CNOT4: variants seen among roughly 807,000 people sequenced by gnomAD.
CNOT4 encodes CCR4-NOT transcription complex subunit 4, also known as CCR4-associated factor 4.
A neutral mutation model predicts 73.8 loss-of-function variants in CNOT4; 8 were observed. The ratio of observed to expected loss-of-function variants is 0.11; its 90% CI spans 0.06 to 0.20. The LOEUF (loss-of-function observed/expected upper bound fraction) is 0.20. CNOT4 is among the 10% of genes least tolerant of loss of function. The pLI is 1.00. For missense variants in CNOT4, 564 were observed against 883.4 expected (o/e 0.64, Z 4.58); for synonymous variants, 293 against 321.1 (o/e 0.91, Z 0.94).
chr7:135,455,885 A>C (rs914199499), intron 1 of CNOT4, among the ~76,000 whole-genome samples: 3 of 152,164 alleles, frequency 2.0e-5, no homozygotes, highest in Non-Finnish European at 4.4e-5. Context: ...AACAAACAAA[A>C]AAGACTAAAA....
At chr7:135,380,042 T>C (rs559797358) in intron 10 of CNOT4, among the ~76,000 whole-genome samples, 5 of 152,270 alleles carry the variant, frequency 3.3e-5, no homozygotes, top group African/African-American at 9.6e-5. Context: ...TTCTTGGAGA[T>C]AGTGATAGCA....
chr7:135,503,030 G>A (rs1804101025), intron 1 of CNOT4, among the ~76,000 whole-genome samples: 1 of 151,642 alleles, frequency 6.6e-6, no homozygotes, highest in Non-Finnish European at 1.5e-5. Flanking sequence ...GCACACGCCT[G>A]TAGTTCTAGC....
intron 1 of CNOT4, among the ~76,000 whole-genome samples, chr7:135,439,972 T>C (rs902727284): frequency 6.6e-6 from 1 of 151,666 alleles, no homozygotes; most frequent in South Asian, 2.1e-4. Flanking sequence ...GATCAATAAA[T>C]TATTGAAGTG....
At chr7:135,501,896 G>C (rs1803991993) in intron 1 of CNOT4, among the ~76,000 whole-genome samples, 1 of 152,180 alleles carries the variant, frequency 6.6e-6, no homozygotes, top group Non-Finnish European at 1.5e-5. Context: ...TTAATTGCCA[G>C]TGTGGTAGTA....
At chr7:135,378,888 G>A (rs1380984018) in intron 10 of CNOT4, among the ~76,000 whole-genome samples, 1 of 151,982 alleles carries the variant, frequency 6.6e-6, no homozygotes, top group African/African-American at 2.4e-5. Context: ...GGAGGGTTGA[G>A]GTGGGAGGAT....
rs368493110 is a variant in CNOT4, at chr7:135,363,033, G to T, written c.1994C>A (p.Pro665Gln). 3.1e-6 allele frequency: 5 copies of T among 1,613,844 alleles called. No homozygotes were observed. The highest frequency in any genetic ancestry group is 3.4e-6 in the Non-Finnish European group (4 of 1,179,968). The stretch of plus-strand genomic sequence containing the variant: ...GGGATTCCAACTGGCTCTGTGCAGC[G>T]GGATCTGTGTGCTGAAGGGGGCGCT... ...HHSAPFSTQI[P>Q]LHRASWNPYP... is the part of the protein sequence containing the mutation. The change falls in exon 12 of 12, where the codon CCG (proline) becomes CAG (glutamine). Residue 665 changes from proline to glutamine, a missense_variant. Pro to Gln is a moderately conservative substitution (Grantham distance 76, BLOSUM62 -1). Coordinates refer to ENST00000541284, the MANE Select transcript of CNOT4 (RefSeq NM_001190850.2). The surrounding 1 kb of genome is among the most constrained non-coding windows in gnomAD (Gnocchi z 4.3).
intron 8 of CNOT4, among the ~76,000 whole-genome samples, chr7:135,396,791 A>G (rs1796719823): frequency 6.6e-6 from 1 of 152,210 alleles, no homozygotes; most frequent in African/African-American, 2.4e-5. Context: ...TCTTAGAAAA[A>G]TAAAAAACAC....
intron 1 of CNOT4, among the ~76,000 whole-genome samples, chr7:135,438,626 T>C (rs1799293503): frequency 6.6e-6 from 1 of 152,156 alleles, no homozygotes; most frequent in South Asian, 2.1e-4. Context: ...GGATTCAACA[T>C]AAATAAAAAA....
At chr7:135,461,234 T>G (rs1035333236) in intron 1 of CNOT4, among the ~76,000 whole-genome samples, 1 of 152,168 alleles carries the variant, frequency 6.6e-6, no homozygotes, top group Non-Finnish European at 1.5e-5. Flanking sequence ...CTCTTTTAAT[T>G]CTCACCCCCA....
chr7:135,378,977 C>A (rs1298070826), intron 10 of CNOT4, among the ~76,000 whole-genome samples: 1 of 135,978 alleles, frequency 7.4e-6, no homozygotes, highest in African/African-American at 2.7e-5. Flanking sequence ...ACAGTGAAAC[C>A]CTGTCTCAAA....
intron 2 of CNOT4, among the ~76,000 whole-genome samples, chr7:135,436,802 T>C (rs972019673): frequency 6.6e-6 from 1 of 151,932 alleles, no homozygotes; most frequent in South Asian, 2.1e-4. Context: ...AAACAATGCA[T>C]TGCCTTCTGA....
chr7:135,480,519 A>C (rs559302540), intron 1 of CNOT4, among the ~76,000 whole-genome samples: 2 of 152,314 alleles, frequency 1.3e-5, no homozygotes, highest in African/African-American at 4.8e-5. Context: ...ACCAAACTTG[A>C]TCACACAGTC....
chr7:135,419,364 C>A (rs1305582985), intron 3 of CNOT4, among the ~76,000 whole-genome samples: 2 of 152,062 alleles, frequency 1.3e-5, no homozygotes, highest in African/African-American at 2.4e-5. Flanking sequence ...CAATTTGAAC[C>A]TTCTTTTGAG....
At position 135,402,940 on chromosome 7, in the gene CNOT4, C is replaced by T. The variant is rs373081804; in HGVS notation, c.822-4714G>A. ...ACTTTAAAAAAATTTGCAACATAAA[C>T]CAATTACATAGTAGAAGAATCAAAG... is the stretch of plus-strand genomic sequence containing the variant. On this transcript the variant is annotated intron_variant, in intron 7 of 11. Transcript: ENST00000541284. Among the ~76,000 whole-genome samples, 43 of 152,048 alleles carry T rather than the reference C, an allele frequency of 2.8e-4. No homozygotes were observed. The East Asian group carries it at 6.9e-3, about 25-fold the overall frequency.
chr7:135,469,441 A>G (rs1417458425), intron 1 of CNOT4, among the ~76,000 whole-genome samples: 1 of 152,214 alleles, frequency 6.6e-6, no homozygotes, highest in Non-Finnish European at 1.5e-5. Context: ...TCTAACTGAC[A>G]TATCCTCTTC....
In CNOT4 at chr7:135,387,521, T is replaced by C. The variant is rs78169212; in HGVS notation, c.1627+6397A>G. 7.6e-4 allele frequency: 736 copies of C among 974,014 alleles called. 17 individuals carry two copies. In the East Asian group the frequency reaches 0.053, roughly 70 times the overall value. The allele number at this position is 974,014 out of a possible 1,614,324, so 60.3% of individuals were successfully genotyped here. A position where few individuals can be genotyped will look rare whatever the true frequency, so the allele number is the denominator to read the frequency against. On this transcript the variant is annotated intron_variant, in intron 10 of 11. Coordinates refer to ENST00000541284, the MANE Select transcript of CNOT4 (RefSeq NM_001190850.2). ...TTATTATTATTTTCAATCTCTAGGC[T>C]TCTTTTTTGTATTCACATTATCCCC...
chr7:135,403,891 T>C (rs1797135768), intron 7 of CNOT4, among the ~76,000 whole-genome samples: 1 of 152,202 alleles, frequency 6.6e-6, no homozygotes, highest in South Asian at 2.1e-4. Flanking sequence ...AGTAATACAC[T>C]TAATGTTTTT....
At chr7:135,439,076 C>T (rs1799323752) in intron 1 of CNOT4, among the ~76,000 whole-genome samples, 1 of 152,106 alleles carries the variant, frequency 6.6e-6, no homozygotes, top group African/African-American at 2.4e-5. Context: ...AAGAAATAGA[C>T]CTTCATATCA....
At chr7:135,421,688 G>T (rs6955383) in intron 3 of CNOT4, among the ~76,000 whole-genome samples, 6,239 of 152,226 alleles carry the variant, frequency 0.041, 408 homozygotes, top group African/African-American at 0.13. Context: ...AGAATGATGA[G>T]ACAGTATAGT....
Sources: allele counts gnomAD v4.1 joint callset (sites outside exome capture counted in the v4.1 genomes callset), GRCh38; gene constraint gnomAD v4.1.1; non-coding constraint Gnocchi (gnomAD v3.1); transcripts MANE v1.5; gene names NCBI Gene and HGNC (gene_info 2026-07-23, HGNC 2026-07-21).